TMEM132D: variants seen among roughly 807,000 people sequenced by gnomAD.
TMEM132D encodes the protein transmembrane protein 132D.
In TMEM132D, 21 loss-of-function variants were observed where a neutral mutation model predicts 62.3. The observed-to-expected ratio is 0.34, with a 90% CI of 0.24 to 0.49. TMEM132D has a LOEUF of 0.49. Among genes scored for constraint, TMEM132D ranks in the 20% least tolerant of loss-of-function variants. The probability of loss-of-function intolerance (pLI) is 0.99; values close to 1 mark genes in which losing one functional copy is unlikely to be tolerated. For missense variants in TMEM132D, 1,346 were observed against 1,402.8 expected (o/e 0.96, Z 0.65); for synonymous variants, 621 against 575.6 (o/e 1.08, Z -1.13).
At chr12:129,610,742 A>G (rs944455184) in intron 2 of TMEM132D, among the ~76,000 whole-genome samples, 37 of 150,244 alleles carry the variant, frequency 2.5e-4, no homozygotes, top group African/African-American at 8.8e-4. Context: ...TGTTAACATA[A>G]AAAAAAAAAA....
intron 3 of TMEM132D, among the ~76,000 whole-genome samples, chr12:129,460,812 G>T (rs1454451228): frequency 6.6e-6 from 1 of 152,116 alleles, no homozygotes. Context: ...GGCTTAAGGG[G>T]ATCATCAAGA....
chr12:129,472,800 C>T (rs1874131920), intron 3 of TMEM132D, among the ~76,000 whole-genome samples: 1 of 152,182 alleles, frequency 6.6e-6, no homozygotes, highest in Non-Finnish European at 1.5e-5. Context: ...AATAGCATCA[C>T]ATGCTACGGA....
chr12:129,553,566 T>C (rs1876963236), intron 2 of TMEM132D, among the ~76,000 whole-genome samples: 1 of 152,202 alleles, frequency 6.6e-6, no homozygotes, highest in African/African-American at 2.4e-5. Flanking sequence ...CCAGCCTGAT[T>C]TGTAACACCT....
intron 2 of TMEM132D, among the ~76,000 whole-genome samples, chr12:129,629,808 G>C (rs901921051): frequency 6.6e-6 from 1 of 152,138 alleles, no homozygotes; most frequent in African/African-American, 2.4e-5. Context: ...GTTTTGTGGT[G>C]GCTGCCACAT....
At chr12:129,890,136 T>C (rs1226618233) in intron 1 of TMEM132D, among the ~76,000 whole-genome samples, 2 of 152,186 alleles carry the variant, frequency 1.3e-5, no homozygotes, top group African/African-American at 4.8e-5. Flanking sequence ...AGTAACTCCT[T>C]GAATCAAAGA....
At chr12:129,441,213 G>T (rs928647986) in intron 3 of TMEM132D, among the ~76,000 whole-genome samples, 7 of 152,198 alleles carry the variant, frequency 4.6e-5, no homozygotes, top group Non-Finnish European at 7.3e-5. Flanking sequence ...TGAGGTTTCA[G>T]CATCAGGAAA....
chr12:129,494,979 G>A (rs527539313), intron 3 of TMEM132D, among the ~76,000 whole-genome samples: 17 of 152,318 alleles, frequency 1.1e-4, no homozygotes, highest in Non-Finnish European at 2.9e-5. Context: ...AATGAGCAGT[G>A]AGCAGGCACA....
intron 1 of TMEM132D, among the ~76,000 whole-genome samples, chr12:129,882,746 C>T (rs1362358587): frequency 1.3e-5 from 2 of 152,092 alleles, no homozygotes; most frequent in Admixed American, 1.3e-4. Context: ...TGAAAACACA[C>T]ATAACATTGT....
At chr12:129,620,769 G>A (rs1039697813) in intron 2 of TMEM132D, among the ~76,000 whole-genome samples, 6 of 152,066 alleles carry the variant, frequency 3.9e-5, no homozygotes, top group Admixed American at 6.6e-5. Context: ...GGAGCTGAAC[G>A]ATGAGAACAG....
intron 4 of TMEM132D, among the ~76,000 whole-genome samples, chr12:129,336,378 C>T (rs1018815395): frequency 1.3e-5 from 2 of 152,196 alleles, no homozygotes; most frequent in East Asian, 3.9e-4. Flanking sequence ...GAGTTCAAGA[C>T]AAGCCTGGCC....
chr12:129,357,258 AAG>A (rs1214149794), intron 3 of TMEM132D, among the ~76,000 whole-genome samples: 3 of 151,048 alleles, frequency 2.0e-5, no homozygotes, highest in Non-Finnish European at 4.4e-5. Flanking sequence ...AAAAAAAAAA[AAG>A]AAAAGAAAGA....
intron 4 of TMEM132D, among the ~76,000 whole-genome samples, chr12:129,231,910 G>C (rs1220702638): frequency 6.6e-6 from 1 of 152,224 alleles, no homozygotes; most frequent in East Asian, 1.9e-4. Flanking sequence ...CCTCCATGGA[G>C]CTCTGACAAA....
At chr12:129,354,314 G>GGT (rs1206005586) in intron 3 of TMEM132D, among the ~76,000 whole-genome samples, 2 of 53,578 alleles carry the variant, frequency 3.7e-5, no homozygotes, top group Admixed American at 1.9e-4. Flanking sequence ...AACTTTATTG[G>GGT]GTATATATAT....
chr12:129,680,302 TTTA>T (rs1350303783), intron 2 of TMEM132D, among the ~76,000 whole-genome samples: 1 of 152,196 alleles, frequency 6.6e-6, no homozygotes. Context: ...GATCTCTTTT[TTTA>T]TTATCAATCC....
At chr12:129,542,339 C>T (rs1876604394) in intron 2 of TMEM132D, among the ~76,000 whole-genome samples, 1 of 152,094 alleles carries the variant, frequency 6.6e-6, no homozygotes, top group South Asian at 2.1e-4. Flanking sequence ...TTCATGGTTA[C>T]CAGTGTTTTA....
chr12:129,337,634 C>G lies in TMEM132D; in HGVS notation c.1299G>C (p.Met433Ile). The G allele has an allele frequency of 6.2e-7, 1 of 1,613,784 alleles. No homozygotes were observed. Among genetic ancestry groups the G allele is most frequent in the South Asian group, 1.1e-5 (1 of 90,958 alleles). The change falls in exon 4 of 9, where the codon ATG becomes ATC. Residue 433 changes from methionine to isoleucine, a missense_variant and splice_region_variant. Physicochemically the swap from Met to Ile is conservative, Grantham distance 10 (BLOSUM62 1). Coordinates refer to ENST00000422113, the MANE Select transcript of TMEM132D (RefSeq NM_133448.3). ...KDLIGVVPLA[M>I]EAEILNTAIL... ...ACAGCCCAGGGCGGGGCTTGCTTAC[C>G]ATAGCCAGCGGCACAACTCCAATCA...
intron 3 of TMEM132D, among the ~76,000 whole-genome samples, chr12:129,494,645 G>A (rs1874893832): frequency 6.6e-6 from 1 of 152,062 alleles, no homozygotes; most frequent in African/African-American, 2.4e-5. Flanking sequence ...GCTGGTCTTT[G>A]ATACTACTCT....
At chr12:129,379,830 A>C (rs1870888631) in intron 3 of TMEM132D, among the ~76,000 whole-genome samples, 1 of 152,190 alleles carries the variant, frequency 6.6e-6, no homozygotes. Context: ...TCCTTTTCAC[A>C]AAATGCTGCC....
chr12:129,386,937 C>A (rs1267966754), intron 3 of TMEM132D, among the ~76,000 whole-genome samples: 3 of 151,942 alleles, frequency 2.0e-5, no homozygotes, highest in Non-Finnish European at 2.9e-5. Context: ...AATGCCGATG[C>A]CAACACTATC....
Sources: gnomAD v4.1 joint callset for allele counts (sites outside exome capture counted in the v4.1 genomes callset) on GRCh38, gnomAD v4.1.1 for gene constraint, MANE v1.5 for transcripts, NCBI Gene and HGNC (gene_info 2026-07-23, HGNC 2026-07-21) for gene names.